VTCN1: variants seen among roughly 807,000 people sequenced by gnomAD.
The protein encoded by VTCN1 is V-set domain containing T cell activation inhibitor 1, also known as V-set domain-containing T-cell activation inhibitor 1.
VTCN1 carries 26 observed loss-of-function variants against 26.5 expected under a neutral mutation model. That is an observed-to-expected ratio of 0.98 (90% CI 0.72 to 1.36). The LOEUF is 1.36. Ranked by LOEUF, VTCN1 falls within the 40% of genes most tolerant of loss-of-function variation. The pLI, the probability that VTCN1 is intolerant of heterozygous loss-of-function variation, is 0.00. For missense variants in VTCN1, 298 were observed against 337.7 expected (o/e 0.88, Z 0.92); for synonymous variants, 116 against 130.7 (o/e 0.89, Z 0.77).
chr1:117,196,130 C>T (rs960481450), intron 1 of VTCN1, among the ~76,000 whole-genome samples: 1 of 151,706 alleles, frequency 6.6e-6, no homozygotes, highest in Non-Finnish European at 1.5e-5. Context: ...CCAGGTGAGG[C>T]AACAAAGTGA....
intron 1 of VTCN1, among the ~76,000 whole-genome samples, chr1:117,199,460 G>A (rs544823459): frequency 1.3e-5 from 2 of 152,134 alleles, no homozygotes; most frequent in South Asian, 2.1e-4. Flanking sequence ...CGAGTAGCTG[G>A]GATTGCAGAT....
chr1:117,195,510 A>C (rs1029552698), intron 1 of VTCN1, among the ~76,000 whole-genome samples: 1 of 152,122 alleles, frequency 6.6e-6, no homozygotes, highest in Non-Finnish European at 1.5e-5. Flanking sequence ...CTGTGGGGAA[A>C]AAAGAGAAGG....
intron 1 of VTCN1, among the ~76,000 whole-genome samples, chr1:117,178,033 C>T (rs1320600911): frequency 6.7e-6 from 1 of 150,186 alleles, no homozygotes; most frequent in Non-Finnish European, 1.5e-5. Context: ...TGGCCTCCCA[C>T]ACTCAAGCAA....
At chr1:117,151,195 C>T (rs1222245891) in intron 4 of VTCN1, among the ~76,000 whole-genome samples, 1 of 145,214 alleles carries the variant, frequency 6.9e-6, no homozygotes, top group Non-Finnish European at 1.5e-5. Context: ...CTGAGTGTTA[C>T]AGTTCTTTTT....
intron 4 of VTCN1, among the ~76,000 whole-genome samples, chr1:117,149,980 G>A (rs1651708556): frequency 6.6e-6 from 1 of 152,212 alleles, no homozygotes; most frequent in Admixed American, 6.5e-5. Flanking sequence ...TCTGTTAATT[G>A]AATAAAAGGT....
chr1:117,157,412 CA>C (rs1207639363), intron 2 of VTCN1, among the ~76,000 whole-genome samples: 5 of 152,068 alleles, frequency 3.3e-5, no homozygotes, highest in African/African-American at 1.2e-4. Context: ...GCCTCAGAAT[CA>C]TGGAGGGAGG....
At chr1:117,187,747 G>A (rs935523788) in intron 1 of VTCN1, among the ~76,000 whole-genome samples, 6 of 151,738 alleles carry the variant, frequency 4.0e-5, no homozygotes, top group Admixed American at 1.3e-4. Flanking sequence ...TTCAACTGAG[G>A]TTCCAAGATA....
chr1:117,143,967 G>A lies in VTCN1; in HGVS notation c.*1304C>T, dbSNP rs1651383193. On this transcript the variant is annotated 3_prime_UTR_variant, in exon 6 of 6. Coordinates refer to ENST00000369458, the MANE Select transcript of VTCN1 (RefSeq NM_024626.4). ...GCTTGCAGGGTAGAATGAAGGGAAA[G>A]AAACTTAGAAGCTCAACAAGCTGAA... 1 of 152,222 alleles carries A rather than the reference G, an allele frequency of 6.6e-6. No individual in the cohort carries two copies. The highest frequency in any genetic ancestry group is 2.4e-5 in the African/African-American group (1 of 41,458). The allele number at this position is 152,222 out of a possible 1,614,324, so 9.4% of individuals were successfully genotyped here.
intron 1 of VTCN1, chr1:117,203,897 A>G: frequency 1.9e-6 from 1 of 518,106 alleles, no homozygotes; most frequent in Non-Finnish European, 2.5e-6. Context: ...TTGCATCTCT[A>G]ATAGTTCCCA....
chr1:117,197,884 T>C lies in VTCN1; in HGVS notation c.32+12940A>G, dbSNP rs1298958424. Among the ~76,000 whole-genome samples, 5 of 152,178 alleles carry C rather than the reference T, an allele frequency of 3.3e-5. No homozygotes were observed. In the East Asian group the frequency reaches 5.8e-4, roughly 18 times the overall value. ...GGTTTGCCAGCGTTTGCTTCTTCAG[T>C]GAGTCTAAGTCAAGGGCTGTACTTC... is the stretch of plus-strand genomic sequence containing the variant. On this transcript the variant is annotated intron_variant, in intron 1 of 5. Coordinates refer to ENST00000369458, the MANE Select transcript of VTCN1 (RefSeq NM_024626.4).
At position 117,169,146 on chromosome 1, in the gene VTCN1, T is replaced by C. The variant is rs1017510145; in HGVS notation, c.97+961A>G. Among the ~76,000 whole-genome samples the C allele has an allele frequency of 1.1e-4, 17 of 152,236 alleles. No individual in the cohort carries two copies. Among genetic ancestry groups the C allele is most frequent in the Non-Finnish European group, 2.2e-4 (15 of 68,000 alleles). ...GGTTTATGAAAAAAAGAGCAGACAA[T>C]TTGCCTCAGAGAAGAAAACTGCCAG... On this transcript the variant is annotated intron_variant, in intron 2 of 5. Transcript: ENST00000369458. This position sits in a 1 kb window ranked among gnomAD's most constrained non-coding sequence, Gnocchi z 4.0.
chr1:117,202,941 A>G lies in VTCN1; in HGVS notation c.32+7883T>C, dbSNP rs577581955. 3.9e-5 allele frequency among the ~76,000 whole-genome samples: 6 copies of G among 152,290 alleles called. No individual in the cohort carries two copies. In the East Asian group the frequency reaches 7.7e-4, roughly 20 times the overall value. On this transcript the variant is annotated intron_variant, in intron 1 of 5. Transcript: ENST00000369458. ...GGGGCTGAGAGAGAGTTTTCTTTTA[A>G]GACAGAAAATCCTGATACACGGGTT...
chr1:117,173,191 A>AG, intron 1 of VTCN1: 1 of 716,638 alleles, frequency 1.4e-6, no homozygotes, highest in Non-Finnish European at 2.6e-6. Context: ...ACTCACCGCG[A>AG]GGTCAGCGGC....
intron 1 of VTCN1, among the ~76,000 whole-genome samples, chr1:117,206,307 G>A (rs1277352245): frequency 1.3e-5 from 2 of 152,112 alleles, no homozygotes; most frequent in Admixed American, 6.6e-5. Context: ...CAGTGGAGTC[G>A]TGAAATTGAA....
At chr1:117,200,239 A>G (rs1355305064) in intron 1 of VTCN1, among the ~76,000 whole-genome samples, 1 of 152,162 alleles carries the variant, frequency 6.6e-6, no homozygotes. Context: ...CTCTGTCTCT[A>G]TAATAAATAA....
At chr1:117,178,203 TG>T (rs1343232331) in intron 1 of VTCN1, among the ~76,000 whole-genome samples, 1 of 151,778 alleles carries the variant, frequency 6.6e-6, no homozygotes, top group Non-Finnish European at 1.5e-5. Flanking sequence ...TCTCCAAAAG[TG>T]TGGGGATTAC....
chr1:117,191,929 T>C (rs113740968), intron 1 of VTCN1, among the ~76,000 whole-genome samples: 2 of 151,908 alleles, frequency 1.3e-5, no homozygotes, highest in Non-Finnish European at 2.9e-5. Flanking sequence ...GAACTCCTGT[T>C]CTCCAGCTTG....
At chr1:117,200,601 C>T (rs1397893991) in intron 1 of VTCN1, among the ~76,000 whole-genome samples, 1 of 152,146 alleles carries the variant, frequency 6.6e-6, no homozygotes, top group African/African-American at 2.4e-5. Context: ...ACATAGATCC[C>T]CAAATCTTCA....
At position 117,155,443 on chromosome 1, in the gene VTCN1, T is replaced by C. The variant is rs1057377906; in HGVS notation, c.445+1131A>G. Reference sequence around the variant, plus strand: ...TCATCTGTAAGGGGAATTTGTTTCATATCCCTCATTTATTTAAATAAGTAT... The same window carrying C: ...TCATCTGTAAGGGGAATTTGTTTCACATCCCTCATTTATTTAAATAAGTAT... On this transcript the variant is annotated intron_variant, in intron 3 of 5. Coordinates refer to ENST00000369458, the MANE Select transcript of VTCN1 (RefSeq NM_024626.4). This position sits in a 1 kb window ranked among gnomAD's most constrained non-coding sequence, Gnocchi z 4.8. 2.0e-5 allele frequency among the ~76,000 whole-genome samples: 3 copies of C among 152,240 alleles called. No homozygotes were observed. Among genetic ancestry groups the C allele is most frequent in the African/African-American group, 7.2e-5 (3 of 41,466 alleles).
Sources: allele counts gnomAD v4.1 joint callset (sites outside exome capture counted in the v4.1 genomes callset), GRCh38; gene constraint gnomAD v4.1.1; non-coding constraint Gnocchi (gnomAD v3.1); transcripts MANE v1.5; gene names NCBI Gene and HGNC (gene_info 2026-07-23, HGNC 2026-07-21).